Variants in MANBAL observed in about 807,000 individuals in gnomAD.
MANBAL encodes mannosidase beta like, also known as protein MANBAL.
MANBAL carries 1 observed loss-of-function variant against 6.4 expected under a neutral mutation model. That is an observed-to-expected ratio of 0.16 (90% CI 0.06 to 0.74). The LOEUF is 0.74. Ranked by LOEUF, MANBAL falls within the 30% of genes least tolerant of loss-of-function variation. The pLI, the probability that MANBAL is intolerant of heterozygous loss-of-function variation, is 0.78. For missense variants in MANBAL, 100 were observed against 107.8 expected (o/e 0.93, Z 0.32); for synonymous variants, 47 against 45.8 (o/e 1.03, Z -0.10).
intron 2 of MANBAL, among the ~76,000 whole-genome samples, chr20:37,307,532 G>A (rs1015738465): frequency 3.9e-5 from 6 of 152,054 alleles, no homozygotes; most frequent in Admixed American, 6.5e-5. Context: ...TGAGGTGGGC[G>A]GATCACTTGA....
chr20:37,309,842 A>G (rs1268274854), intron 2 of MANBAL, among the ~76,000 whole-genome samples: 2 of 151,986 alleles, frequency 1.3e-5, no homozygotes, highest in Non-Finnish European at 2.9e-5. Flanking sequence ...CCCATTCTCA[A>G]CACCTCAGGA....
chr20:37,310,835 G>T (rs1313263461), intron 2 of MANBAL, among the ~76,000 whole-genome samples: 2 of 152,188 alleles, frequency 1.3e-5, no homozygotes, highest in Non-Finnish European at 2.9e-5. Flanking sequence ...GAGAGGAGGC[G>T]CAGTGCTCCC....
At chr20:37,315,903 C>T (rs1350624404) in intron 2 of MANBAL, among the ~76,000 whole-genome samples, 1 of 152,276 alleles carries the variant, frequency 6.6e-6, no homozygotes, top group Non-Finnish European at 1.5e-5. Flanking sequence ...TCACTGGGTG[C>T]AGCTGGCACT....
chr20:37,305,211 T>G (rs1422546046), intron 2 of MANBAL, among the ~76,000 whole-genome samples: 1 of 152,164 alleles, frequency 6.6e-6, no homozygotes, highest in Non-Finnish European at 1.5e-5. Flanking sequence ...GGCATGCTAT[T>G]CGGTATTATA....
chr20:37,306,706 A>T (rs2069266784), intron 2 of MANBAL, among the ~76,000 whole-genome samples: 2 of 152,192 alleles, frequency 1.3e-5, no homozygotes, highest in African/African-American at 2.4e-5. Flanking sequence ...TTCATCTCTC[A>T]TGCCAAGTCT....
intron 2 of MANBAL, among the ~76,000 whole-genome samples, chr20:37,303,893 C>T (rs2069197774): frequency 6.6e-6 from 1 of 152,146 alleles, no homozygotes; most frequent in Admixed American, 6.5e-5. Flanking sequence ...TCAGCATGAA[C>T]CTTATTGTTT....
intron 2 of MANBAL, among the ~76,000 whole-genome samples, chr20:37,305,758 C>T (rs2069245089): frequency 6.6e-6 from 1 of 150,694 alleles, no homozygotes; most frequent in South Asian, 2.1e-4. Context: ...TTTACTGGCG[C>T]ATCAGGGGAG....
intron 1 of MANBAL, chr20:37,297,177 G>A (rs952391505): frequency 6.6e-6 from 1 of 152,196 alleles, no homozygotes; most frequent in Non-Finnish European, 1.5e-5. Context: ...CAGTGAAGCT[G>A]TTCTTGCAGC....
intron 1 of MANBAL, among the ~76,000 whole-genome samples, chr20:37,289,963 C>T (rs186447441): frequency 7.2e-5 from 11 of 152,326 alleles, no homozygotes; most frequent in African/African-American, 2.4e-4. Context: ...TGGCCTGGTC[C>T]GGGCCTTTCC....
intron 2 of MANBAL, among the ~76,000 whole-genome samples, chr20:37,305,082 G>A (rs1217954432): frequency 6.6e-6 from 1 of 152,170 alleles, no homozygotes; most frequent in Non-Finnish European, 1.5e-5. Flanking sequence ...AGGTTGTCTT[G>A]TCCATCTCTT....
intron 2 of MANBAL, 120 bp from the exon 3 acceptor site, chr20:37,316,188 A>G: frequency 1.1e-6 from 1 of 899,060 alleles, no homozygotes; most frequent in Non-Finnish European, 1.7e-6. Flanking sequence ...GGTCCCGGGA[A>G]TGACAGTTTC....
chr20:37,310,647 T>G (rs1568603863), intron 2 of MANBAL, among the ~76,000 whole-genome samples: 2 of 152,194 alleles, frequency 1.3e-5, no homozygotes. Context: ...CACATTTGAT[T>G]ATTTGGATCT....
intron 2 of MANBAL, among the ~76,000 whole-genome samples, chr20:37,310,327 A>G (rs1365468269): frequency 2.0e-5 from 3 of 152,202 alleles, no homozygotes; most frequent in Non-Finnish European, 4.4e-5. Context: ...TCAGGCCCTC[A>G]TGGCCCGCTG....
intron 1 of MANBAL, among the ~76,000 whole-genome samples, chr20:37,291,048 T>C (rs752934296): frequency 6.6e-6 from 1 of 152,206 alleles, no homozygotes. Flanking sequence ...GATGAAGGCC[T>C]GTGGCAGTCG....
chr20:37,315,559 C>A (rs929707170), intron 2 of MANBAL, among the ~76,000 whole-genome samples: 20 of 152,240 alleles, frequency 1.3e-4, no homozygotes, highest in African/African-American at 4.8e-4. Flanking sequence ...AGCAGCAGAA[C>A]TTTGTTTCAT....
chr20:37,302,741 T>C (rs1331669241), intron 2 of MANBAL, among the ~76,000 whole-genome samples: 1 of 151,856 alleles, frequency 6.6e-6, no homozygotes, highest in Non-Finnish European at 1.5e-5. Flanking sequence ...TCTGAACATA[T>C]TTTTAATATA....
chr20:37,315,796 A>G (rs1435117245), intron 2 of MANBAL, among the ~76,000 whole-genome samples: 1 of 152,194 alleles, frequency 6.6e-6, no homozygotes, highest in Non-Finnish European at 1.5e-5. Flanking sequence ...GGAGGACAAG[A>G]ATGGCAGCCA....
intron 2 of MANBAL, 143 bp from the exon 3 acceptor site, chr20:37,316,165 C>T (rs997222092): frequency 1.8e-5 from 13 of 726,804 alleles, no homozygotes; most frequent in South Asian, 3.5e-5. Flanking sequence ...GTCCCACATC[C>T]GTGTGGGTGG....
intron 2 of MANBAL, 71 bp from the exon 3 acceptor site, chr20:37,316,237 G>C: frequency 7.1e-7 from 1 of 1,400,620 alleles, no homozygotes; most frequent in Non-Finnish European, 9.9e-7. Flanking sequence ...TTTGCTTTCA[G>C]ATGTGATCTC....
Sources: gnomAD v4.1 joint callset for allele counts (sites outside exome capture counted in the v4.1 genomes callset) on GRCh38, gnomAD v4.1.1 for gene constraint, MANE v1.5 for transcripts, NCBI Gene and HGNC (gene_info 2026-07-23, HGNC 2026-07-21) for gene names.